Variants in CATIP observed in about 807,000 individuals in gnomAD.
The protein encoded by CATIP is ciliogenesis-associated TTC17-interacting protein.
A neutral mutation model predicts 42.5 loss-of-function variants in CATIP; 40 were observed. The observed-to-expected ratio is 0.94, with a 90% CI of 0.73 to 1.22. The LOEUF (loss-of-function observed/expected upper bound fraction) is 1.22, where lower values mean the gene tolerates loss of function less well. CATIP is among the 50% of genes most tolerant of loss of function. The probability of loss-of-function intolerance (pLI) is 0.00; values close to 1 mark genes in which losing one functional copy is unlikely to be tolerated. For missense variants in CATIP, 489 were observed against 496.0 expected (o/e 0.99, Z 0.13); for synonymous variants, 222 against 200.2 (o/e 1.11, Z -0.92).
In CATIP at chr2:218,364,649, A is replaced by G; in HGVS notation, c.652A>G (p.Ile218Val). 1 of 1,614,024 alleles carries G rather than the reference A, an allele frequency of 6.2e-7. No homozygotes were observed. Among genetic ancestry groups the G allele is most frequent in the Non-Finnish European group, 8.5e-7 (1 of 1,179,944 alleles). ...CCAGCAAAACCTGGGCTTCCAGACC[A>G]TCCAGGTAGACCATCAGCAGGCTGA... ...LTYQNLGFQT[I>V]QVDHQQAEVF... Residue 218 changes from isoleucine (I) to valine (V), a missense_variant, in exon 7 of 10, where the codon ATC (isoleucine) becomes GTC (valine). Transcript: ENST00000289388.
At position 218,367,804 on chromosome 2, in the gene CATIP, T is replaced by G; in HGVS notation, c.1004T>G (p.Leu335Arg). The G allele has an allele frequency of 6.2e-7, 1 of 1,612,970 alleles. No individual in the cohort carries two copies. Among genetic ancestry groups the G allele is most frequent in the Middle Eastern group, 1.7e-4 (1 of 6,058 alleles). The stretch of plus-strand genomic sequence containing the variant: ...CTCATCTCCGACTTCCTGCTCTTCC[T>G]GCTGCTGCGCCAGCCGGAGGACGTG... ...HALISDFLLF[L>R]LLRQPEDVVT... Residue 335 changes from leucine to arginine, a missense_variant, in exon 10 of 10, where the codon CTG becomes CGG. Transcript: ENST00000289388.
Position 218,357,259 on chromosome 2 carries a change from GTCTCTCTCTC to G in CATIP, c.118+94_118+103del, listed in dbSNP as rs144807145. The stretch of plus-strand genomic sequence containing the variant: ...TCTGGAGAGGAGGGAAGAAAGTCCA[GTCTCTCTCTC>G]TCTCTCTCTCTCTCTCTCTCTTCCT... On this transcript the variant is annotated intron_variant, in intron 2 of 9. Coordinates refer to ENST00000289388, the MANE Select transcript of CATIP (RefSeq NM_198559.2). The G allele has an allele frequency of 4.8e-4, 290 of 607,618 alleles. 1 individual carries two copies. Among genetic ancestry groups the G allele is most frequent in the Non-Finnish European group, 6.8e-4 (241 of 356,122 alleles). 37.6% of individuals were successfully genotyped at this position (607,618 alleles called of 1,614,324 possible).
At chr2:218,361,353 G>C (rs747345320) in intron 5 of CATIP, among the ~76,000 whole-genome samples, 1 of 150,834 alleles carries the variant, frequency 6.6e-6, no homozygotes, top group African/African-American at 2.4e-5. Flanking sequence ...CAGCCTGGGC[G>C]ACAGAGCAAG....
At position 218,367,526 on chromosome 2, in the gene CATIP, G is replaced by C. The variant is rs952677768; in HGVS notation, c.921+8G>C. Reference sequence around the variant, plus strand: ...AAGTTCCTGGACCGGAAGGTGAGGGGAGGCTCCACCAGCCTGGGGTTCCCA... The same window carrying C: ...AAGTTCCTGGACCGGAAGGTGAGGGCAGGCTCCACCAGCCTGGGGTTCCCA... On this transcript the variant is annotated splice_region_variant and intron_variant, in intron 9 of 9. Coordinates refer to ENST00000289388, the MANE Select transcript of CATIP (RefSeq NM_198559.2). 6.2e-7 allele frequency: 1 copy of C among 1,613,808 alleles called. No individual in the cohort carries two copies. The highest frequency in any genetic ancestry group is 2.2e-5 in the East Asian group (1 of 44,894).
chr2:218,357,326 G>C, intron 2 of CATIP, 139 bp downstream of exon 2: 1 of 711,228 alleles, frequency 1.4e-6, no homozygotes, highest in Non-Finnish European at 2.3e-6. Flanking sequence ...AAGGCCTGAG[G>C]CCTGTTTGTT....
Position 218,362,916 on chromosome 2 carries a change from T to C in CATIP, c.630+14T>C, listed in dbSNP as rs2106314461. 1 of 1,603,324 alleles carries C rather than the reference T, an allele frequency of 6.2e-7. No individual in the cohort carries two copies. Among genetic ancestry groups the C allele is most frequent in the Non-Finnish European group, 8.5e-7 (1 of 1,173,016 alleles). ...TATTTGACCTATGTAAGGGGTCCCC[T>C]TGGGCAGGGGACTTGGCTTGGGAGC... On this transcript the variant is annotated intron_variant, in intron 6 of 9. Transcript: ENST00000289388.
chr2:218,368,003 C>T lies in CATIP; in HGVS notation c.*39C>T. The stretch of plus-strand genomic sequence containing the variant: ...CCGGACAGGGCAGGAAACCAGGGGT[C>T]GGGCTGGGACGCGGGCGGGACGCGC... On this transcript the variant is annotated 3_prime_UTR_variant, in exon 10 of 10. Coordinates refer to ENST00000289388, the MANE Select transcript of CATIP (RefSeq NM_198559.2). 2 of 1,471,466 alleles carry T rather than the reference C, an allele frequency of 1.4e-6. No individual in the cohort carries two copies. The highest frequency in any genetic ancestry group is 8.9e-7 in the Non-Finnish European group (1 of 1,118,012). 91.2% of individuals were successfully genotyped at this position (1,471,466 alleles called of 1,614,324 possible). A position where few individuals can be genotyped will look rare whatever the true frequency, so the allele number is the denominator to read the frequency against.
Position 218,364,676 on chromosome 2 carries a change from G to A in CATIP, c.679G>A (p.Val227Ile), listed in dbSNP as rs1176261263. Residue 227 changes from valine (V) to isoleucine (I), a missense_variant, in exon 7 of 10, where the codon GTC becomes ATC. Transcript: ENST00000289388. ...TIQVDHQQAEVFIVEQTVHAE... is the reference protein window; with the variant it reads ...TIQVDHQQAEIFIVEQTVHAE... ...CCAGGTAGACCATCAGCAGGCTGAA[G>A]TCTTCATCGTGGAGCAGACTGTCCA... 1 of 1,613,976 alleles carries A rather than the reference G, an allele frequency of 6.2e-7. No homozygotes were observed. The highest frequency in any genetic ancestry group is 1.1e-5 in the South Asian group (1 of 91,064).
chr2:218,359,179 A>G (rs1695147909), intron 4 of CATIP, among the ~76,000 whole-genome samples: 1 of 151,808 alleles, frequency 6.6e-6, no homozygotes, highest in African/African-American at 2.4e-5. Flanking sequence ...TCTACTAAAA[A>G]TACAAAAAGA....
intron 7 of CATIP, 111 bp downstream of exon 7, chr2:218,364,863 G>C: frequency 8.2e-7 from 1 of 1,220,532 alleles, no homozygotes. Context: ...AGATAGGAGT[G>C]TCCCTCCGCT....
rs1333567030 is a variant in CATIP, at chr2:218,368,013, C to G, written c.*49C>G. 4.1e-6 allele frequency: 6 copies of G among 1,459,882 alleles called. No homozygotes were observed. The African/African-American group carries it at 7.3e-5, about 18-fold the overall frequency. The allele number at this position is 1,459,882 out of a possible 1,614,324, so 90.4% of individuals were successfully genotyped here. Reference sequence around the variant, plus strand: ...CAGGAAACCAGGGGTCGGGCTGGGACGCGGGCGGGACGCGCCGGGGCGGGT... The same window carrying G: ...CAGGAAACCAGGGGTCGGGCTGGGAGGCGGGCGGGACGCGCCGGGGCGGGT... On this transcript the variant is annotated 3_prime_UTR_variant, in exon 10 of 10. Transcript: ENST00000289388.
At chr2:218,358,308 C>T (rs1225171223) in intron 4 of CATIP, among the ~76,000 whole-genome samples, 1 of 152,168 alleles carries the variant, frequency 6.6e-6, no homozygotes, top group African/African-American at 2.4e-5. Flanking sequence ...GTGGTTCACA[C>T]CTGTAATCCC....
chr2:218,367,457 A>C lies in CATIP; in HGVS notation c.860A>C (p.Glu287Ala), dbSNP rs766818820. The C allele has an allele frequency of 6.2e-7, 1 of 1,614,084 alleles. No individual in the cohort carries two copies. The highest frequency in any genetic ancestry group is 1.1e-5 in the South Asian group (1 of 91,068). Residue 287 changes from glutamate (E) to alanine (A), a missense_variant, in exon 9 of 10, where the codon GAG becomes GCG. By Grantham distance (107) the Glu-to-Ala change is moderately radical. Transcript: ENST00000289388. The stretch of plus-strand genomic sequence containing the variant: ...GAGATTGAGCCACGCCCAGTGTTTG[A>C]GAAGAAGCCCCTGGTATGGGAGGAG... ...EDEIEPRPVF[E>A]KKPLVWEEDM... is the part of the protein sequence containing the mutation.
At chr2:218,367,267 G>GCA (rs1695482064) in intron 8 of CATIP, 163 bp from the exon 9 acceptor site, 1 of 789,246 alleles carries the variant, frequency 1.3e-6, no homozygotes, top group African/African-American at 1.7e-5. Context: ...AGCAATAAGA[G>GCA]GAGGATCTTT....
Position 218,367,897 on chromosome 2 carries a change from C to T in CATIP, c.1097C>T (p.Ser366Phe). The stretch of plus-strand genomic sequence containing the variant: ...CGTCCGTCGTCACCGGCCTTGGGCT[C>T]CTCCCACCGGCCCAACCCTTTCCGC... ...PWRPSSPALG[S>F]SHRPNPFRSL... is the part of the protein sequence containing the mutation. Residue 366 changes from serine (S) to phenylalanine (F), a missense_variant, in exon 10 of 10, where the codon TCC becomes TTC. By Grantham distance (155) the Ser-to-Phe change is radical (BLOSUM62 -2). Transcript: ENST00000289388. 2.5e-6 allele frequency: 4 copies of T among 1,612,296 alleles called. No individual in the cohort carries two copies. Among genetic ancestry groups the T allele is most frequent in the Non-Finnish European group, 3.4e-6 (4 of 1,179,798 alleles).
chr2:218,357,286 T>TCTCTCTCTCTCTCTCTCTCG (rs1423201493), intron 2 of CATIP, 99 bp downstream of exon 2: 1 of 879,196 alleles, frequency 1.1e-6, no homozygotes, highest in African/African-American at 1.7e-5. Flanking sequence ...TCTCTCTCTC[T>TCTCTCTCTCTCTCTCTCTCG]CTCTTCCTTG....
At chr2:218,362,653 T>C (rs1695276112) in intron 5 of CATIP, 82 bp from the exon 6 acceptor site, 6 of 1,369,866 alleles carry the variant, frequency 4.4e-6, no homozygotes, top group South Asian at 1.4e-5. Context: ...CAAAACCGTA[T>C]GCCCAACACC....
intron 4 of CATIP, among the ~76,000 whole-genome samples, chr2:218,358,979 C>G (rs192355646): frequency 1.3e-5 from 2 of 151,310 alleles, no homozygotes; most frequent in African/African-American, 2.4e-5. Context: ...CTGAGGCAGG[C>G]GGATCACCTG....
chr2:218,367,935 G>T lies in CATIP; in HGVS notation c.1135G>T (p.Glu379Ter). ...CAACCCTTTCCGCTCCCTGGAGCCG[G>T]AGGGAGACGCCCGCTCGGGGGCGGC... ...RPNPFRSLEPEGDARSGAA is the reference protein window; with the variant it reads ...RPNPFRSLEP The change falls in exon 10 of 10, where the codon GAG (glutamate) becomes TAG (stop). Residue 379 changes from glutamate to a stop codon, truncating the protein, a stop_gained. Transcript: ENST00000289388. LOFTEE classifies it low-confidence loss of function (END_TRUNC). 6.2e-7 allele frequency: 1 copy of T among 1,603,686 alleles called. No individual in the cohort carries two copies. The highest frequency in any genetic ancestry group is 8.5e-7 in the Non-Finnish European group (1 of 1,177,318).
Sources: gnomAD v4.1 joint callset for allele counts (sites outside exome capture counted in the v4.1 genomes callset) on GRCh38, gnomAD v4.1.1 for gene constraint, MANE v1.5 for transcripts, NCBI Gene and HGNC (gene_info 2026-07-23, HGNC 2026-07-21) for gene names.